GALNT18: variants seen among roughly 807,000 people sequenced by gnomAD.
GALNT18 encodes GalNAc-transferase 18.
GALNT18 carries 44 observed loss-of-function variants against 69.5 expected under a neutral mutation model. The ratio of observed to expected loss-of-function variants is 0.63; its 90% CI spans 0.50 to 0.81. GALNT18 has a LOEUF of 0.81. Ranked by LOEUF, GALNT18 falls within the 40% of genes least tolerant of loss-of-function variation. The pLI is 0.00. For synonymous variants in GALNT18, 364 were observed against 318.2 expected (o/e 1.14, Z -1.53); for missense variants, 715 against 810.0 (o/e 0.88, Z 1.42).
chr11:11,351,321 G>T (rs932130053), intron 6 of GALNT18, among the ~76,000 whole-genome samples: 8 of 152,154 alleles, frequency 5.3e-5, no homozygotes, highest in African/African-American at 1.9e-4. Context: ...AGCCAGGGTG[G>T]TAGAGGAAAG....
At chr11:11,343,600 G>A (rs558316621) in intron 6 of GALNT18, among the ~76,000 whole-genome samples, 4 of 152,192 alleles carry the variant, frequency 2.6e-5, no homozygotes, top group African/African-American at 9.6e-5. Flanking sequence ...TACATTCTGG[G>A]GACAGTCCTG....
At position 11,413,663 on chromosome 11, in the gene GALNT18, G is replaced by A. The variant is rs1000555834; in HGVS notation, c.595+18958C>T. On this transcript the variant is annotated intron_variant, in intron 3 of 10. Transcript: ENST00000227756. The surrounding 1 kb of genome is among the most constrained non-coding windows in gnomAD (Gnocchi z 4.7). ...TGGCTGCACCCGGGGCCCCAGCATG[G>A]AGCAGAGGGAGTCTGGGAAGTTGAC... Among the ~76,000 whole-genome samples the A allele has an allele frequency of 1.3e-5, 2 of 152,172 alleles. No homozygotes were observed. Among genetic ancestry groups the A allele is most frequent in the Admixed American group, 1.3e-4 (2 of 15,292 alleles).
chr11:11,273,103 A>C (rs1848861350), intron 10 of GALNT18, among the ~76,000 whole-genome samples: 1 of 152,104 alleles, frequency 6.6e-6, no homozygotes, highest in South Asian at 2.1e-4. Context: ...TTGGAGAAAC[A>C]CTCCAGAATG....
chr11:11,441,221 G>A (rs1051175320), intron 2 of GALNT18, among the ~76,000 whole-genome samples: 1 of 152,122 alleles, frequency 6.6e-6, no homozygotes, highest in Non-Finnish European at 1.5e-5. Context: ...GGCCCACAAC[G>A]AAATTAATAT....
intron 1 of GALNT18, among the ~76,000 whole-genome samples, chr11:11,451,651 C>T (rs1364596531): frequency 6.6e-6 from 1 of 152,172 alleles, no homozygotes; most frequent in East Asian, 1.9e-4. Context: ...CTCACTGGTG[C>T]AACTCCACAG....
At chr11:11,508,822 C>T (rs746491711) in intron 1 of GALNT18, among the ~76,000 whole-genome samples, 2 of 152,226 alleles carry the variant, frequency 1.3e-5, no homozygotes, top group African/African-American at 2.4e-5. Context: ...CTCAATTACT[C>T]CAGCTTCACT....
At chr11:11,364,809 T>C (rs1850724980) in intron 6 of GALNT18, among the ~76,000 whole-genome samples, 1 of 152,332 alleles carries the variant, frequency 6.6e-6, no homozygotes, top group Non-Finnish European at 1.5e-5. Context: ...TGAAATATTT[T>C]TGATGAAATG....
intron 3 of GALNT18, among the ~76,000 whole-genome samples, chr11:11,424,568 G>C (rs1340540900): frequency 1.3e-5 from 2 of 152,158 alleles, no homozygotes; most frequent in Non-Finnish European, 2.9e-5. Flanking sequence ...CGGCACACTG[G>C]GTTAGTTGTT....
chr11:11,308,840 C>A (rs925531419), intron 9 of GALNT18, among the ~76,000 whole-genome samples: 2 of 152,202 alleles, frequency 1.3e-5, no homozygotes, highest in Non-Finnish European at 2.9e-5. Context: ...GGGCAGCATT[C>A]ACGTTGCACT....
rs1410743235 is a variant in GALNT18, at chr11:11,600,931, A to G, written c.235+20428T>C. ...ACTCAAATATATTTTTAAGTGCCCC[A>G]GTGATTTTTTCTTTTCATTTCTTAA... On this transcript the variant is annotated intron_variant, in intron 1 of 10. Transcript: ENST00000227756. This position sits in a 1 kb window ranked among gnomAD's most constrained non-coding sequence, Gnocchi z 4.8. Among the ~76,000 whole-genome samples the G allele has an allele frequency of 6.6e-6, 1 of 152,042 alleles. No homozygotes were observed. The highest frequency in any genetic ancestry group is 1.5e-5 in the Non-Finnish European group (1 of 68,010).
In GALNT18 at chr11:11,613,468, A is replaced by G. The variant is rs1416141223; in HGVS notation, c.235+7891T>C. On this transcript the variant is annotated intron_variant, in intron 1 of 10. Transcript: ENST00000227756. The surrounding 1 kb of genome is among the most constrained non-coding windows in gnomAD (Gnocchi z 4.2). ...CCTTGCATACTAATATGCCTTCTCA[A>G]GTAGGAAAATAAAGGGTGGAGTAAG... Among the ~76,000 whole-genome samples, 3 of 152,236 alleles carry G rather than the reference A, an allele frequency of 2.0e-5. No individual in the cohort carries two copies. The highest frequency in any genetic ancestry group is 1.5e-5 in the Non-Finnish European group (1 of 68,042).
At chr11:11,362,154 T>A (rs1850658232) in intron 6 of GALNT18, among the ~76,000 whole-genome samples, 1 of 152,208 alleles carries the variant, frequency 6.6e-6, no homozygotes, top group South Asian at 2.1e-4. Context: ...GATCCATTCC[T>A]CACACCAAAC....
At chr11:11,304,334 C>A (rs973573354) in intron 9 of GALNT18, among the ~76,000 whole-genome samples, 12 of 152,054 alleles carry the variant, frequency 7.9e-5, no homozygotes, top group East Asian at 1.9e-4. Flanking sequence ...TGATAATGAC[C>A]CCCTCCCTTC....
At position 11,332,095 on chromosome 11, in the gene GALNT18, C is replaced by T. The variant is rs1564898128; in HGVS notation, c.1416+599G>A. The stretch of plus-strand genomic sequence containing the variant: ...GAGGCCCATGACATTAAGACACTTA[C>T]CTGGGAAGCAGCCTGGTTAAGATTT... On this transcript the variant is annotated intron_variant, in intron 8 of 10. Coordinates refer to ENST00000227756, the MANE Select transcript of GALNT18 (RefSeq NM_198516.3). The surrounding 1 kb of genome is among the most constrained non-coding windows in gnomAD (Gnocchi z 4.3). Among the ~76,000 whole-genome samples the T allele has an allele frequency of 6.6e-6, 1 of 152,112 alleles. No individual in the cohort carries two copies. Among genetic ancestry groups the T allele is most frequent in the African/African-American group, 2.4e-5 (1 of 41,430 alleles).
chr11:11,462,258 T>C (rs1398602689), intron 1 of GALNT18, among the ~76,000 whole-genome samples: 1 of 151,260 alleles, frequency 6.6e-6, no homozygotes, highest in African/African-American at 2.4e-5. Flanking sequence ...AGTGTGTGGC[T>C]GTGGCAAAGT....
intron 1 of GALNT18, among the ~76,000 whole-genome samples, chr11:11,484,593 C>CAAAAAA (rs1159968814): frequency 3.6e-5 from 3 of 83,050 alleles, no homozygotes; most frequent in African/African-American, 5.6e-5. Flanking sequence ...AACTCCATCT[C>CAAAAAA]AAAAAAAAAA....
intron 10 of GALNT18, among the ~76,000 whole-genome samples, chr11:11,272,682 C>G (rs887672487): frequency 1.7e-4 from 26 of 152,224 alleles, no homozygotes; most frequent in African/African-American, 6.3e-4. Flanking sequence ...AAGCTGCAAC[C>G]ATGTATCAAA....
chr11:11,545,264 T>G (rs918694965), intron 1 of GALNT18, among the ~76,000 whole-genome samples: 2 of 152,184 alleles, frequency 1.3e-5, no homozygotes, highest in Admixed American at 6.5e-5. Context: ...TGCGCTTTCA[T>G]AAAAGTAAAG....
chr11:11,589,715 G>A (rs1189716404), intron 1 of GALNT18, among the ~76,000 whole-genome samples: 6 of 152,140 alleles, frequency 3.9e-5, no homozygotes, highest in African/African-American at 1.4e-4. Flanking sequence ...ACTCCCAAGA[G>A]AGCCACTGAG....
Sources: allele counts gnomAD v4.1 joint callset (sites outside exome capture counted in the v4.1 genomes callset), GRCh38; gene constraint gnomAD v4.1.1; non-coding constraint Gnocchi (gnomAD v3.1); transcripts MANE v1.5; gene names NCBI Gene and HGNC (gene_info 2026-07-23, HGNC 2026-07-21).